Variants in MYO1E observed in about 807,000 individuals in gnomAD.
MYO1E encodes myosin IE.
MYO1E carries 68 observed loss-of-function variants against 151.1 expected under a neutral mutation model. The ratio of observed to expected loss-of-function variants is 0.45; its 90% CI spans 0.37 to 0.55. The LOEUF (loss-of-function observed/expected upper bound fraction) is 0.55. Ranked by LOEUF, MYO1E falls within the 20% of genes least tolerant of loss-of-function variation. The probability of loss-of-function intolerance (pLI) is 0.00; values close to 1 mark genes in which losing one functional copy is unlikely to be tolerated. For missense variants in MYO1E, 1,363 were observed against 1,389.3 expected, an observed-to-expected ratio of 0.98 and a Z score of 0.30; for synonymous variants, 601 against 501.7, an observed-to-expected ratio of 1.20 and a Z score of -2.64.
At chr15:59,233,572 G>A (rs993362342) in intron 5 of MYO1E, among the ~76,000 whole-genome samples, 2 of 147,288 alleles carry the variant, frequency 1.4e-5, no homozygotes, top group South Asian at 4.4e-4. Context: ...GCTGAGGCAG[G>A]AGAATCGCTT....
chr15:59,272,968 G>C (rs1313565927), intron 1 of MYO1E, among the ~76,000 whole-genome samples: 1 of 152,178 alleles, frequency 6.6e-6, no homozygotes, highest in Non-Finnish European at 1.5e-5. Context: ...ATGTCACACG[G>C]TCATAATTTC....
rs148178267 is a variant in MYO1E at position 59,261,701 on chromosome 15, G to A, written c.148-192C>T. ...CACAGGCTTTATTCCTCCTAAGGAA[G>A]AGTAATAAATTACCAAGGTGCTACA... On this transcript the variant is annotated intron_variant, in intron 2 of 27. Transcript: ENST00000288235. Among the ~76,000 whole-genome samples the A allele has an allele frequency of 2.2e-3, 330 of 152,252 alleles. 3 individuals carry two copies. Among genetic ancestry groups the A allele is most frequent in the African/African-American group, 7.7e-3 (318 of 41,546 alleles).
chr15:59,179,655 G>A (rs1003347469), intron 18 of MYO1E, among the ~76,000 whole-genome samples: 7 of 152,188 alleles, frequency 4.6e-5, no homozygotes, highest in East Asian at 1.9e-4. Flanking sequence ...GCCATTAAGC[G>A]TCAGAGATGG....
intron 1 of MYO1E, among the ~76,000 whole-genome samples, chr15:59,293,266 C>T (rs899908944): frequency 4.6e-5 from 7 of 152,168 alleles, no homozygotes; most frequent in Non-Finnish European, 8.8e-5. Flanking sequence ...ATTCTAAGCA[C>T]TTTACTTATA....
intron 1 of MYO1E, among the ~76,000 whole-genome samples, chr15:59,291,364 T>C (rs951821866): frequency 3.3e-5 from 5 of 152,110 alleles, no homozygotes; most frequent in African/African-American, 1.2e-4. Context: ...TGTGACTACA[T>C]GTCAATTCAA....
intron 1 of MYO1E, among the ~76,000 whole-genome samples, chr15:59,331,427 T>C (rs1166133905): frequency 9.9e-5 from 15 of 151,980 alleles, no homozygotes; most frequent in African/African-American, 3.6e-4. Flanking sequence ...CAGCAACATA[T>C]CAGAAAAGAA....
In MYO1E at chr15:59,174,926, A is replaced by G. The variant is rs543278343; in HGVS notation, c.2050-686T>C. Among the ~76,000 whole-genome samples the G allele has an allele frequency of 2.0e-5, 3 of 152,226 alleles. No homozygotes were observed. In the East Asian group the frequency reaches 5.8e-4, roughly 29 times the overall value. ...TCTAGCAGGTCTTGAGAGTCCGGCC[A>G]TTTTACCAATGAATGCTGACAGCTG... On this transcript the variant is annotated intron_variant, in intron 19 of 27. Transcript: ENST00000288235.
intron 1 of MYO1E, among the ~76,000 whole-genome samples, chr15:59,361,049 C>A (rs2080882247): frequency 6.6e-6 from 1 of 152,158 alleles, no homozygotes; most frequent in African/African-American, 2.4e-5. Flanking sequence ...TTCTTGGGAA[C>A]CCTGTGGTGT....
At position 59,230,739 on chromosome 15, in the gene MYO1E, T is replaced by G. The variant is rs1221029476; in HGVS notation, c.510+963A>C. ...TGACAGTTATTATATGAGCACATAG[T>G]AAAAATTCTCTTGGAAATAGAAGCT... On this transcript the variant is annotated intron_variant, in intron 6 of 27. Coordinates refer to ENST00000288235, the MANE Select transcript of MYO1E (RefSeq NM_004998.4). Among the ~76,000 whole-genome samples, 4 of 152,202 alleles carry G rather than the reference T, an allele frequency of 2.6e-5. No homozygotes were observed. The East Asian group carries it at 7.7e-4, about 29-fold the overall frequency.
Position 59,135,416 on chromosome 15 carries a change from G to GT in MYO1E, c.*1963dup, listed in dbSNP as rs2140296640. On this transcript the variant is annotated 3_prime_UTR_variant, in exon 28 of 28. Coordinates refer to ENST00000288235, the MANE Select transcript of MYO1E (RefSeq NM_004998.4). ...GAACGCAGCCTGAGTGCTGGTGGCT[G>GT]TGGGGACTCCAGCATGCTCCTCTGT... 1 of 152,422 alleles carries GT rather than the reference G, an allele frequency of 6.6e-6. No individual in the cohort carries two copies. Among genetic ancestry groups the GT allele is most frequent in the African/African-American group, 2.4e-5 (1 of 41,574 alleles). 9.4% of individuals were successfully genotyped at this position (152,422 alleles called of 1,614,324 possible). A position where few individuals can be genotyped will look rare whatever the true frequency, so the allele number is the denominator to read the frequency against.
At chr15:59,341,904 A>G (rs1452162024) in intron 1 of MYO1E, among the ~76,000 whole-genome samples, 1 of 152,210 alleles carries the variant, frequency 6.6e-6, no homozygotes, top group African/African-American at 2.4e-5. Context: ...GCTGGATCAT[A>G]AGGTAGCTAG....
intron 7 of MYO1E, among the ~76,000 whole-genome samples, chr15:59,226,959 T>C (rs1159465902): frequency 6.6e-6 from 1 of 152,210 alleles, no homozygotes; most frequent in African/African-American, 2.4e-5. Flanking sequence ...GCATTAAAGA[T>C]CCCAAACCTA....
At chr15:59,372,295 AG>A (rs2140448686) in intron 1 of MYO1E, among the ~76,000 whole-genome samples, 1 of 152,262 alleles carries the variant, frequency 6.6e-6, no homozygotes, top group African/African-American at 2.4e-5. Context: ...CTTGGAATAA[AG>A]TTTTCCTTGG....
intron 1 of MYO1E, among the ~76,000 whole-genome samples, chr15:59,316,607 T>C (rs2080590585): frequency 6.6e-6 from 1 of 152,242 alleles, no homozygotes; most frequent in Non-Finnish European, 1.5e-5. Flanking sequence ...TCCTACATTA[T>C]TTATTTTTTA....
rs531933232 is a variant in MYO1E, at chr15:59,133,382, C to T, written c.*3998G>A. On this transcript the variant is annotated 3_prime_UTR_variant, in exon 28 of 28. Coordinates refer to ENST00000288235, the MANE Select transcript of MYO1E (RefSeq NM_004998.4). ...GTGAGGTGCTGTCTGAAAATAAAAA[C>T]GCACAGGCCTTTGACTCAGAGTTCC... 4 of 151,858 alleles carry T rather than the reference C, an allele frequency of 2.6e-5. No homozygotes were observed. Among genetic ancestry groups the T allele is most frequent in the Admixed American group, 6.6e-5 (1 of 15,248 alleles). The allele number at this position is 151,858 out of a possible 1,614,324, so 9.4% of individuals were successfully genotyped here. A position where few individuals can be genotyped will look rare whatever the true frequency, so the allele number is the denominator to read the frequency against.
rs145259561 is a variant in MYO1E at position 59,141,766 on chromosome 15, C to G, written c.3081-3399G>C. ...TGAGTCGAGATTGAGCCACTGCACT[C>G]CAGCCTGGGCCACAGAGTAAGACTT... is the stretch of plus-strand genomic sequence containing the variant. On this transcript the variant is annotated intron_variant, in intron 26 of 27. Coordinates refer to ENST00000288235, the MANE Select transcript of MYO1E (RefSeq NM_004998.4). 4.9e-3 allele frequency among the ~76,000 whole-genome samples: 721 copies of G among 146,244 alleles called. 6 individuals are homozygous for G. Among genetic ancestry groups the G allele is most frequent in the Non-Finnish European group, 6.7e-3 (448 of 67,240 alleles).
rs10220865 is a variant in MYO1E, at chr15:59,372,764, G to C, written c.-264C>G. ...GGCAAGAGTCCACTCGTACTCGCCG[G>C]TCGCCGCCGGCCCAGGTGAGTCCGA... is the stretch of plus-strand genomic sequence containing the variant. On this transcript the variant is annotated 5_prime_UTR_variant, in exon 1 of 28. Transcript: ENST00000288235. 526,128 of 530,180 alleles carry C rather than the reference G, an allele frequency of 0.99. 261,175 individuals carry two copies. Among genetic ancestry groups the C allele is most frequent in the East Asian group, 1 (30,065 of 30,066 alleles). 32.8% of individuals were successfully genotyped at this position (530,180 alleles called of 1,614,324 possible).
At chr15:59,185,245 T>C (rs1393390275) in intron 18 of MYO1E, among the ~76,000 whole-genome samples, 32 of 152,140 alleles carry the variant, frequency 2.1e-4, no homozygotes, top group Admixed American at 2.1e-3. Context: ...TGTCTCTTCA[T>C]TTTGTGGATT....
intron 8 of MYO1E, among the ~76,000 whole-genome samples, chr15:59,223,990 G>A (rs1485462261): frequency 6.6e-6 from 1 of 152,204 alleles, no homozygotes; most frequent in Non-Finnish European, 1.5e-5. Context: ...AACCCACGCT[G>A]CTCATTCAGA....
Sources: gnomAD v4.1 joint callset for allele counts (sites outside exome capture counted in the v4.1 genomes callset) on GRCh38, gnomAD v4.1.1 for gene constraint, MANE v1.5 for transcripts, NCBI Gene and HGNC (gene_info 2026-07-23, HGNC 2026-07-21) for gene names.